DCC: variants seen among roughly 807,000 people sequenced by gnomAD.
The protein encoded by DCC is netrin receptor DCC.
In DCC, 58 loss-of-function variants were observed where a neutral mutation model predicts 172.5. The observed-to-expected ratio is 0.34, with a 90% CI of 0.27 to 0.42. The LOEUF is 0.42. DCC is among the 10% of genes least tolerant of loss of function. The pLI is 1.00. For synonymous variants in DCC, 709 were observed against 644.5 expected (o/e 1.10, Z -1.52); for missense variants, 1,740 against 1,791.0 (o/e 0.97, Z 0.51).
rs117439511 is a variant in DCC at position 52,343,896 on chromosome 18, G to A, written c.91+3018G>A. On this transcript the variant is annotated intron_variant, in intron 1 of 28. Transcript: ENST00000442544. The stretch of plus-strand genomic sequence containing the variant: ...GGAGTATGGCAGAGCCTGAGGGCTC[G>A]GGGTAGGCTGGCAGTCCACTCCTCT... 9.4e-3 allele frequency among the ~76,000 whole-genome samples: 1,427 copies of A among 152,094 alleles called. 19 individuals carry two copies. Among genetic ancestry groups the A allele is most frequent in the Non-Finnish European group, 0.012 (848 of 68,026 alleles).
chr18:53,238,595 C>T (rs1197411182), intron 12 of DCC, among the ~76,000 whole-genome samples: 1 of 152,102 alleles, frequency 6.6e-6, no homozygotes, highest in Non-Finnish European at 1.5e-5. Context: ...AGCTCTCACA[C>T]ATTTCAGGGG....
chr18:52,770,541 C>T (rs1488087811), intron 2 of DCC, among the ~76,000 whole-genome samples: 1 of 152,182 alleles, frequency 6.6e-6, no homozygotes, highest in Non-Finnish European at 1.5e-5. Context: ...TCATATCTGT[C>T]ATCTTTGCTG....
intron 25 of DCC, among the ~76,000 whole-genome samples, chr18:53,485,520 T>C (rs2045890295): frequency 6.6e-6 from 1 of 152,128 alleles, no homozygotes; most frequent in African/African-American, 2.4e-5. Flanking sequence ...TTAATCTGAT[T>C]AGCAGAGTCA....
chr18:53,199,247 C>G (rs768748774), intron 9 of DCC, among the ~76,000 whole-genome samples: 38 of 151,904 alleles, frequency 2.5e-4, no homozygotes, highest in African/African-American at 8.4e-4. Context: ...CCCACCACCA[C>G]GCCTGGCTAA....
chr18:53,264,151 C>T (rs1329794861), intron 12 of DCC, among the ~76,000 whole-genome samples: 1 of 151,936 alleles, frequency 6.6e-6, no homozygotes, highest in Non-Finnish European at 1.5e-5. Flanking sequence ...AAAGTCCTGT[C>T]AACATGAAAT....
At chr18:53,471,760 C>G (rs918236793) in intron 25 of DCC, among the ~76,000 whole-genome samples, 7 of 152,156 alleles carry the variant, frequency 4.6e-5, no homozygotes, top group South Asian at 2.1e-4. Flanking sequence ...TCTTTCAGGT[C>G]TCTATTCAAC....
intron 23 of DCC, among the ~76,000 whole-genome samples, chr18:53,450,863 C>A (rs2045402645): frequency 1.3e-5 from 2 of 152,168 alleles, no homozygotes; most frequent in African/African-American, 4.8e-5. Context: ...CTAACAAAAT[C>A]CATCTGGGAC....
chr18:52,460,040 T>C (rs1444239503), intron 1 of DCC, among the ~76,000 whole-genome samples: 3 of 152,158 alleles, frequency 2.0e-5, no homozygotes, highest in Non-Finnish European at 1.5e-5. Context: ...TATTTCTTTA[T>C]GGTAGAGCAT....
At chr18:53,281,272 A>G (rs1323686818) in intron 12 of DCC, among the ~76,000 whole-genome samples, 2 of 152,146 alleles carry the variant, frequency 1.3e-5, no homozygotes, top group Non-Finnish European at 2.9e-5. Flanking sequence ...TGCAAGTACT[A>G]GTAAACTGGA....
intron 1 of DCC, among the ~76,000 whole-genome samples, chr18:52,411,661 G>T (rs922705558): frequency 6.6e-6 from 1 of 152,050 alleles, no homozygotes; most frequent in African/African-American, 2.4e-5. Context: ...TAAGATTGTG[G>T]ATCCAGTGTC....
intron 5 of DCC, among the ~76,000 whole-genome samples, chr18:52,960,727 C>A (rs2040829895): frequency 6.6e-6 from 1 of 152,048 alleles, no homozygotes; most frequent in South Asian, 2.1e-4. Flanking sequence ...GCTTCCTCTC[C>A]CTCTTTAATC....
At chr18:53,342,399 C>T (rs1028987530) in intron 15 of DCC, among the ~76,000 whole-genome samples, 2 of 151,820 alleles carry the variant, frequency 1.3e-5, no homozygotes, top group Non-Finnish European at 2.9e-5. Context: ...ATGATATAGA[C>T]CCAAAATTAA....
rs1285201702 is a variant in DCC, at chr18:53,128,885, A to ACG, written c.1262-28471_1262-28470insCG. On this transcript the variant is annotated intron_variant, in intron 7 of 28. Coordinates refer to ENST00000442544, the MANE Select transcript of DCC (RefSeq NM_005215.4). The stretch of plus-strand genomic sequence containing the variant: ...CACACACACACATATATATATATAT[A>ACG]TATATATATATATATATATTATTTG... 1.3e-4 allele frequency among the ~76,000 whole-genome samples: 8 copies of ACG among 59,980 alleles called. No individual in the cohort carries two copies. The South Asian group carries it at 6.1e-3, about 46-fold the overall frequency. The allele number at this position is 59,980 out of a possible 152,430, so 39.3% of individuals were successfully genotyped here. A position where few individuals can be genotyped will look rare whatever the true frequency, so the allele number is the denominator to read the frequency against.
chr18:53,386,087 G>A lies in DCC; in HGVS notation c.2404G>A (p.Ala802Thr). 6.2e-7 allele frequency: 1 copy of A among 1,613,594 alleles called. No individual in the cohort carries two copies. The highest frequency in any genetic ancestry group is 1.3e-5 in the African/African-American group (1 of 75,010). ...AATCTCCCTAAAAGCTTTTAACAAT[G>A]CCGGAGAAGGAGTTCCTCTTTATGA... ...YVISLKAFNNAGEGVPLYESA... is the reference protein window; with the variant it reads ...YVISLKAFNNTGEGVPLYESA... The change falls in exon 16 of 29, where the codon GCC (alanine) becomes ACC (threonine). Residue 802 changes from alanine (A) to threonine (T), a missense_variant. Ala to Thr is a moderately conservative substitution (Grantham distance 58). Coordinates refer to ENST00000442544, the MANE Select transcript of DCC (RefSeq NM_005215.4).
rs114067405 is a variant in DCC at position 53,082,152 on chromosome 18, G to A, written c.1261+15986G>A. Reference sequence around the variant, plus strand: ...TCACTGTATTCTTTAAACTACCCTCGTCCTTATCAATTTATGCCATGTACA... The same window carrying A: ...TCACTGTATTCTTTAAACTACCCTCATCCTTATCAATTTATGCCATGTACA... On this transcript the variant is annotated intron_variant, in intron 7 of 28. Coordinates refer to ENST00000442544, the MANE Select transcript of DCC (RefSeq NM_005215.4). 9.2e-3 allele frequency among the ~76,000 whole-genome samples: 1,394 copies of A among 151,988 alleles called. 22 individuals carry two copies. Among genetic ancestry groups the A allele is most frequent in the African/African-American group, 0.031 (1,301 of 41,490 alleles).
At chr18:53,014,933 A>G (rs1271779144) in intron 5 of DCC, among the ~76,000 whole-genome samples, 1 of 152,176 alleles carries the variant, frequency 6.6e-6, no homozygotes, top group African/African-American at 2.4e-5. Context: ...AGGGAGTTCA[A>G]GAAAATCCTT....
At chr18:53,342,960 T>C (rs2057678869) in intron 15 of DCC, among the ~76,000 whole-genome samples, 1 of 137,770 alleles carries the variant, frequency 7.3e-6, no homozygotes, top group Non-Finnish European at 1.6e-5. Flanking sequence ...TTATATAATG[T>C]ATATATAGAT....
chr18:52,844,139 C>A (rs746239602), intron 2 of DCC, among the ~76,000 whole-genome samples: 2 of 152,068 alleles, frequency 1.3e-5, no homozygotes, highest in Non-Finnish European at 2.9e-5. Context: ...ATAACAGAGA[C>A]AAAATACATA....
intron 13 of DCC, among the ~76,000 whole-genome samples, chr18:53,321,006 A>G (rs1157864642): frequency 2.0e-5 from 3 of 152,218 alleles, no homozygotes; most frequent in Non-Finnish European, 4.4e-5. Flanking sequence ...CTTGACAATA[A>G]CTAATCCTTT....
Sources: gnomAD v4.1 joint callset for allele counts (sites outside exome capture counted in the v4.1 genomes callset) on GRCh38, gnomAD v4.1.1 for gene constraint, MANE v1.5 for transcripts, NCBI Gene and HGNC (gene_info 2026-07-23, HGNC 2026-07-21) for gene names.